The following RICTOR variants were observed in gnomAD, a reference collection of about 807,000 sequenced individuals.
RICTOR encodes the protein rapamycin-insensitive companion of mTOR.
RICTOR carries 49 observed loss-of-function variants against 214.9 expected under a neutral mutation model. The ratio of observed to expected loss-of-function variants is 0.23; its 90% CI spans 0.18 to 0.29. The LOEUF is 0.29. Among genes scored for constraint, RICTOR ranks in the 10% least tolerant of loss-of-function variants. The probability of loss-of-function intolerance (pLI) is 1.00; values close to 1 mark genes in which losing one functional copy is unlikely to be tolerated. For synonymous variants in RICTOR, 717 were observed against 711.3 expected (o/e 1.01, Z -0.13); for missense variants, 1,625 against 2,047.0 (o/e 0.79, Z 3.98).
intron 7 of RICTOR, among the ~76,000 whole-genome samples, chr5:38,983,603 T>A (rs974896486): frequency 6.6e-6 from 1 of 152,232 alleles, no homozygotes; most frequent in African/African-American, 2.4e-5. Context: ...GCCTTCTAAT[T>A]ATCTATGTAT....
chr5:38,940,143 C>CAAAAAAAAAAAAAAAAA lies in RICTOR; in HGVS notation c.*2160_*2161insTTTTTTTTTTTTTTTTT, dbSNP rs68031684. ...TCAAAGTAACAGTAAAAAAAAAAAA[C>CAAAAAAAAAAAAAAAAA]AAAAAAAAAAACACAAAACATTCAG... is the stretch of plus-strand genomic sequence containing the variant. On this transcript the variant is annotated 3_prime_UTR_variant, in exon 38 of 38. Transcript: ENST00000357387. The CAAAAAAAAAAAAAAAAA allele has an allele frequency of 5.6e-6, 1 of 178,676 alleles. No homozygotes were observed. The highest frequency in any genetic ancestry group is 2.7e-5 in the African/African-American group (1 of 37,482). The allele number at this position is 178,676 out of a possible 1,614,324, so 11.1% of individuals were successfully genotyped here.
At chr5:39,034,378 C>A (rs1036716304) in intron 2 of RICTOR, among the ~76,000 whole-genome samples, 1 of 152,204 alleles carries the variant, frequency 6.6e-6, no homozygotes, top group Non-Finnish European at 1.5e-5. Context: ...GTCTACAGCT[C>A]CCAGCATGAG....
At chr5:38,990,528 T>TATATACACGATATATACACG (rs1190886416) in intron 7 of RICTOR, among the ~76,000 whole-genome samples, 42 of 146,336 alleles carry the variant, frequency 2.9e-4, no homozygotes, top group Admixed American at 9.0e-4. Context: ...ATATATACGA[T>TATATACACGATATATACACG]ATATATACGA....
chr5:39,005,996 G>T (rs1415580793), intron 3 of RICTOR, among the ~76,000 whole-genome samples: 3 of 152,190 alleles, frequency 2.0e-5, no homozygotes, highest in African/African-American at 4.8e-5. Context: ...GTAGCCCCAG[G>T]ATTAAACAAC....
chr5:39,019,889 T>C (rs759784092), intron 3 of RICTOR, among the ~76,000 whole-genome samples: 1 of 152,210 alleles, frequency 6.6e-6, no homozygotes, highest in Non-Finnish European at 1.5e-5. Flanking sequence ...TCGTTCCAGA[T>C]GCCATTAAGA....
chr5:38,995,581 A>G (rs13161443), intron 6 of RICTOR, among the ~76,000 whole-genome samples: 24,677 of 152,092 alleles, frequency 0.16, 2,488 homozygotes, highest in Admixed American at 0.24. Flanking sequence ...ATAAAATAAA[A>G]TATGGTTTTC....
In RICTOR at chr5:38,978,571, A is replaced by C. The variant is rs1370331514; in HGVS notation, c.821+12T>G. 7.0e-7 allele frequency: 1 copy of C among 1,436,768 alleles called. No individual in the cohort carries two copies. The highest frequency in any genetic ancestry group is 9.7e-7 in the Non-Finnish European group (1 of 1,031,106). The allele number at this position is 1,436,768 out of a possible 1,614,324, so 89.0% of individuals were successfully genotyped here. ...ATTATCTTAAAAATTATTAGGAACC[A>C]ATGTTACTTACTTGAGCTGTCCTTC... On this transcript the variant is annotated intron_variant, in intron 9 of 37. Transcript: ENST00000357387.
chr5:38,967,044 G>T (rs577447770), intron 14 of RICTOR, 117 bp downstream of exon 14: 4 of 792,774 alleles, frequency 5.0e-6, no homozygotes, highest in African/African-American at 1.7e-5. Context: ...GAAGTGATCC[G>T]CCTGCCTTGG....
chr5:39,009,822 A>C (rs562938318), intron 3 of RICTOR, among the ~76,000 whole-genome samples: 1 of 152,342 alleles, frequency 6.6e-6, no homozygotes, highest in East Asian at 1.9e-4. Context: ...AAGAAATATT[A>C]TACTTTCACT....
chr5:39,055,247 A>ACT (rs991278780), intron 2 of RICTOR, among the ~76,000 whole-genome samples: 8 of 149,146 alleles, frequency 5.4e-5, no homozygotes, highest in African/African-American at 1.7e-4. Flanking sequence ...ATATTCCCAT[A>ACT]CTCTCTCTCT....
Position 38,944,552 on chromosome 5 carries a change from C to A in RICTOR, c.4807G>T (p.Asp1603Tyr). 1 of 1,601,884 alleles carries A rather than the reference C, an allele frequency of 6.2e-7. No homozygotes were observed. Residue 1603 changes from aspartate (D) to tyrosine (Y), a missense_variant, in exon 36 of 38, where the codon GAT (aspartate) becomes TAT (tyrosine). Asp to Tyr is a radical substitution (Grantham distance 160). Transcript: ENST00000357387. ...ELLLGVKTIPDDTPMCRILLR... is the reference protein window; with the variant it reads ...ELLLGVKTIPYDTPMCRILLR... Reference sequence around the variant, plus strand: ...AGTATACGGCACATTGGTGTATCATCTGGAATTGTTTTAACACCTGAAAAG... The same window carrying A: ...AGTATACGGCACATTGGTGTATCATATGGAATTGTTTTAACACCTGAAAAG...
chr5:39,026,651 T>C (rs191021983), intron 2 of RICTOR, among the ~76,000 whole-genome samples: 1 of 151,722 alleles, frequency 6.6e-6, no homozygotes, highest in Non-Finnish European at 1.5e-5. Flanking sequence ...CATCGAGGAG[T>C]TGCCTATTCT....
In RICTOR at chr5:38,996,850, T is replaced by C; in HGVS notation, c.425A>G (p.Glu142Gly). 1 of 1,611,350 alleles carries C rather than the reference T, an allele frequency of 6.2e-7. No homozygotes were observed. Among genetic ancestry groups the C allele is most frequent in the Non-Finnish European group, 8.5e-7 (1 of 1,177,754 alleles). Residue 142 changes from glutamate to glycine, a missense_variant, in exon 6 of 38, where the codon GAG (glutamate) becomes GGG (glycine). Around this residue, in one of 5 missense-constraint regions of RICTOR, gnomAD observed 258 missense variants for 393.7 expected, o/e 0.66. Coordinates refer to ENST00000357387, the MANE Select transcript of RICTOR (RefSeq NM_152756.5). ...GACTAATCGAAGTGCTTGTGTCCTCTCTACCTCGTTGCTCTGTTGTATGTC... is the reference window on the plus strand; with the variant it reads ...GACTAATCGAAGTGCTTGTGTCCTCCCTACCTCGTTGCTCTGTTGTATGTC... ...CIDIQQSNEV[E>G]RTQALRLVRK...
At chr5:38,952,452 A>G (rs781046320) in intron 29 of RICTOR, 27 bp from the exon 30 acceptor site, 1 of 1,432,294 alleles carries the variant, frequency 7.0e-7, no homozygotes. Flanking sequence ...CAGTAAAAAC[A>G]GTTATAATTC....
At chr5:39,033,947 A>G (rs754979478) in intron 2 of RICTOR, among the ~76,000 whole-genome samples, 3 of 152,290 alleles carry the variant, frequency 2.0e-5, no homozygotes, top group Non-Finnish European at 2.9e-5. Flanking sequence ...TGAATTATAA[A>G]CTTACTTCAT....
At chr5:39,027,317 G>A (rs1401106255) in intron 2 of RICTOR, among the ~76,000 whole-genome samples, 1 of 151,874 alleles carries the variant, frequency 6.6e-6, no homozygotes, top group Non-Finnish European at 1.5e-5. Context: ...AATTACTGAT[G>A]ATTTATTTTT....
chr5:38,954,733 T>TA, intron 27 of RICTOR, 41 bp downstream of exon 27: 1 of 1,185,458 alleles, frequency 8.4e-7, no homozygotes, highest in Non-Finnish European at 1.2e-6. Flanking sequence ...GTTTTTTTTT[T>TA]ACTATTGTAG....
At chr5:39,039,021 C>T (rs968669418) in intron 2 of RICTOR, among the ~76,000 whole-genome samples, 6 of 152,092 alleles carry the variant, frequency 3.9e-5, no homozygotes, top group African/African-American at 1.4e-4. Context: ...CAACCCTAAG[C>T]CAAAAGAACA....
chr5:38,960,472 G>T lies in RICTOR; in HGVS notation c.1777C>A (p.Leu593Met), dbSNP rs2150018862. The change falls in exon 20 of 38, where the codon CTG becomes ATG. Residue 593 changes from leucine to methionine, a missense_variant. Leu to Met is a conservative substitution (Grantham distance 15). Coordinates refer to ENST00000357387, the MANE Select transcript of RICTOR (RefSeq NM_152756.5). Reference sequence around the variant, plus strand: ...AGCTGTTTGGCCTTGGCAAAATCCAGATCCAGGTTGGCATATAATTTACTG... The same window carrying T: ...AGCTGTTTGGCCTTGGCAAAATCCATATCCAGGTTGGCATATAATTTACTG... ...PSSKLYANLD[L>M]DFAKAKQLTV... The T allele has an allele frequency of 6.2e-7, 1 of 1,613,832 alleles. No homozygotes were observed.
Sources: gnomAD v4.1 joint callset for allele counts (sites outside exome capture counted in the v4.1 genomes callset) on GRCh38, gnomAD v4.1.1 for gene constraint, gnomAD v4.1.1 regional missense constraint, MANE v1.5 for transcripts, NCBI Gene and HGNC (gene_info 2026-07-23, HGNC 2026-07-21) for gene names.